The following PTPRQ variants were observed in gnomAD, a reference collection of about 807,000 sequenced individuals.
PTPRQ encodes phosphatidylinositol phosphatase PTPRQ.
PTPRQ carries 199 observed loss-of-function variants against 246.0 expected under a neutral mutation model. The observed-to-expected ratio is 0.81, with a 90% CI of 0.72 to 0.91. The LOEUF is 0.91. Ranked by LOEUF, PTPRQ falls within the 40% of genes least tolerant of loss-of-function variation. The pLI is 0.00. For missense variants in PTPRQ, 2,624 were observed against 2,528.4 expected (o/e 1.04, Z -0.81); for synonymous variants, 869 against 853.2 (o/e 1.02, Z -0.32).
chr12:80,600,901 A>T (rs996143680), intron 26 of PTPRQ, among the ~76,000 whole-genome samples: 2 of 151,732 alleles, frequency 1.3e-5, no homozygotes, highest in African/African-American at 4.8e-5. Context: ...GGATTCTCTC[A>T]TTCCAACTCA....
At chr12:80,627,303 T>C (rs1250536861) in intron 33 of PTPRQ, among the ~76,000 whole-genome samples, 1 of 150,340 alleles carries the variant, frequency 6.7e-6, no homozygotes, top group Admixed American at 6.7e-5. Context: ...AAAGAGAAGA[T>C]GAACTCCCTA....
chr12:80,680,113 G>C lies in PTPRQ; in HGVS notation c.*1090G>C, dbSNP rs142943316. 1.3e-5 allele frequency: 2 copies of C among 151,674 alleles called. No homozygotes were observed. The highest frequency in any genetic ancestry group is 2.9e-5 in the Non-Finnish European group (2 of 67,838). 9.4% of individuals were successfully genotyped at this position (151,674 alleles called of 1,614,324 possible). ...TTATTAAATAGTGACAATGTGGTAA[G>C]TTTTGAATTACATGAACTCATTTTG... On this transcript the variant is annotated 3_prime_UTR_variant, in exon 45 of 45. Coordinates refer to ENST00000644991, the MANE Select transcript of PTPRQ (RefSeq NM_001145026.2).
intron 35 of PTPRQ, among the ~76,000 whole-genome samples, chr12:80,643,527 G>A (rs1899965799): frequency 6.6e-6 from 1 of 151,986 alleles, no homozygotes; most frequent in Non-Finnish European, 1.5e-5. Context: ...GACCAACCAT[G>A]GGTTAGGATA....
At chr12:80,484,786 ATTAG>A (rs1300027841) in intron 9 of PTPRQ, among the ~76,000 whole-genome samples, 181 bp downstream of exon 9, 1 of 152,128 alleles carries the variant, frequency 6.6e-6, no homozygotes, top group African/African-American at 2.4e-5. Flanking sequence ...GTTATATATT[ATTAG>A]TTAAGTGCTA....
chr12:80,456,319 GA>G (rs1011522093), intron 3 of PTPRQ, among the ~76,000 whole-genome samples: 16 of 151,684 alleles, frequency 1.1e-4, no homozygotes, highest in Non-Finnish European at 1.8e-4. Context: ...AATGAGAAAA[GA>G]AAAAAAATTC....
chr12:80,580,905 A>T (rs1223775124), intron 25 of PTPRQ, among the ~76,000 whole-genome samples: 2 of 152,112 alleles, frequency 1.3e-5, no homozygotes, highest in Non-Finnish European at 2.9e-5. Context: ...TCTTGCCTGG[A>T]TTTAGTGGTT....
At chr12:80,649,511 A>T (rs1900186763) in intron 36 of PTPRQ, 77 bp from the exon 37 acceptor site, 1 of 1,483,282 alleles carries the variant, frequency 6.7e-7, no homozygotes, top group Non-Finnish European at 9.0e-7. Context: ...ACTTGTTAAA[A>T]GTGAAGCCAG....
rs774540106 is a variant in PTPRQ at position 80,588,299 on chromosome 12, C to A, written c.4456C>A (p.Gln1486Lys). The change falls in exon 26 of 45, where the codon CAA (glutamine) becomes AAA (lysine). Residue 1486 changes from glutamine (Q) to lysine (K), a missense_variant. Gln to Lys is a moderately conservative substitution (Grantham distance 53). Coordinates refer to ENST00000644991, the MANE Select transcript of PTPRQ (RefSeq NM_001145026.2). The part of the protein sequence containing the change: ...EWESEECVEY[Q>K]KIQYLYEAHL... ...GGAATCCGAAGAATGTGTTGAATAT[C>A]AAAAAATTCAATACCTCTATGAAGC... The A allele has an allele frequency of 1.4e-5, 22 of 1,551,306 alleles. No individual in the cohort carries two copies. Among genetic ancestry groups the A allele is most frequent in the East Asian group, 7.3e-5 (3 of 40,908 alleles).
chr12:80,498,261 A>G (rs1029198182), intron 14 of PTPRQ, among the ~76,000 whole-genome samples: 7 of 152,054 alleles, frequency 4.6e-5, no homozygotes, highest in Non-Finnish European at 5.9e-5. Context: ...TTTAGCACCT[A>G]TTAAGGGTCA....
chr12:80,484,555 C>T lies in PTPRQ; in HGVS notation c.1309C>T (p.Pro437Ser), dbSNP rs1452763629. 4.5e-6 allele frequency: 7 copies of T among 1,550,120 alleles called. No homozygotes were observed. In the African/African-American group the frequency reaches 8.2e-5, roughly 18 times the overall value. Residue 437 changes from proline (P) to serine (S), a missense_variant, in exon 9 of 45, where the codon CCA becomes TCA. By Grantham distance (74) the Pro-to-Ser change is moderately conservative (BLOSUM62 -1). Transcript: ENST00000644991. The stretch of plus-strand genomic sequence containing the variant: ...CCAATACCGAGTGAAAGTGCTAGTT[C>T]CAGAGACAGGAATAATTTTGGAAAA... Reference protein sequence around the residue: ...INQYRVKVLVPETGIILENTL... With the variant: ...INQYRVKVLVSETGIILENTL...
intron 25 of PTPRQ, among the ~76,000 whole-genome samples, chr12:80,558,119 CTTTCTTTTCT>C (rs370347187): frequency 0.013 from 1,214 of 95,654 alleles, 9 homozygotes; most frequent in Middle Eastern, 0.03. Context: ...TCTTTTCTTT[CTTTCTTTTCT>C]TTTCTTTTCT....
intron 18 of PTPRQ, among the ~76,000 whole-genome samples, 157 bp downstream of exon 18, chr12:80,534,332 G>A (rs1895927184): frequency 6.6e-6 from 1 of 152,020 alleles, no homozygotes; most frequent in African/African-American, 2.4e-5. Flanking sequence ...TTAGCTGTGT[G>A]ATGTTGGGAA....
intron 26 of PTPRQ, among the ~76,000 whole-genome samples, chr12:80,594,265 G>A (rs550300134): frequency 6.6e-6 from 1 of 152,214 alleles, no homozygotes; most frequent in East Asian, 1.9e-4. Context: ...TTATAAAGAA[G>A]CAATTATATA....
intron 28 of PTPRQ, among the ~76,000 whole-genome samples, chr12:80,611,365 A>G (rs1489565454): frequency 6.6e-6 from 1 of 150,390 alleles, no homozygotes; most frequent in Non-Finnish European, 1.5e-5. Context: ...TCTGTAAGGT[A>G]AGTATAGGAA....
At chr12:80,596,422 T>C (rs140025546) in intron 26 of PTPRQ, among the ~76,000 whole-genome samples, 1 of 146,796 alleles carries the variant, frequency 6.8e-6, no homozygotes, top group Admixed American at 6.7e-5. Flanking sequence ...ATTATCACTG[T>C]TTTTTTTTAA....
chr12:80,535,672 C>A (rs1457460645), intron 19 of PTPRQ, among the ~76,000 whole-genome samples: 1 of 152,026 alleles, frequency 6.6e-6, no homozygotes, highest in African/African-American at 2.4e-5. Context: ...AGCTAACATG[C>A]ATTTACTTTG....
intron 17 of PTPRQ, among the ~76,000 whole-genome samples, chr12:80,531,540 G>T (rs1201287368): frequency 6.6e-6 from 1 of 152,114 alleles, no homozygotes; most frequent in Non-Finnish European, 1.5e-5. Flanking sequence ...TGATTAGAGA[G>T]CTCACACTTC....
chr12:80,504,045 A>G (rs1373254096), intron 14 of PTPRQ, among the ~76,000 whole-genome samples: 1 of 151,562 alleles, frequency 6.6e-6, no homozygotes, highest in Non-Finnish European at 1.5e-5. Context: ...CTTGAGATTT[A>G]CTGAAATTAT....
chr12:80,524,957 G>T (rs1486417343), intron 17 of PTPRQ, among the ~76,000 whole-genome samples: 1 of 152,116 alleles, frequency 6.6e-6, no homozygotes, highest in Non-Finnish European at 1.5e-5. Context: ...GTCTGAATTT[G>T]GTAACAGCAT....
Sources: allele counts gnomAD v4.1 joint callset (sites outside exome capture counted in the v4.1 genomes callset), GRCh38; gene constraint gnomAD v4.1.1; transcripts MANE v1.5; gene names NCBI Gene and HGNC (gene_info 2026-07-23, HGNC 2026-07-21).